Variants in SNRPF observed in about 807,000 individuals in gnomAD.
SNRPF encodes the protein small nuclear ribonucleoprotein polypeptide F.
In SNRPF, 1 loss-of-function variant was observed where a neutral mutation model predicts 13.4. The observed-to-expected ratio is 0.07, with a 90% CI of 0.03 to 0.35. The LOEUF is 0.35. Ranked by LOEUF, SNRPF falls within the 10% of genes least tolerant of loss-of-function variation. The pLI is 0.99. For synonymous variants in SNRPF, 27 were observed against 32.1 expected, an observed-to-expected ratio of 0.84 and a Z score of 0.54; for missense variants, 53 against 101.0, an observed-to-expected ratio of 0.52 and a Z score of 2.04.
intron 2 of SNRPF, among the ~76,000 whole-genome samples, chr12:95,862,276 C>CT (rs1309312024): frequency 6.6e-6 from 1 of 152,154 alleles, no homozygotes; most frequent in Non-Finnish European, 1.5e-5. Flanking sequence ...TTGGTGGACA[C>CT]TGGGTTGCTT....
intron 2 of SNRPF, among the ~76,000 whole-genome samples, chr12:95,862,734 A>G (rs1016391598): frequency 4.6e-5 from 7 of 151,776 alleles, no homozygotes; most frequent in African/African-American, 1.5e-4. Flanking sequence ...CTGTCACACT[A>G]TTTTCCACAG....
At chr12:95,865,638 T>A (rs955760361) in intron 3 of SNRPF, among the ~76,000 whole-genome samples, 2 of 152,206 alleles carry the variant, frequency 1.3e-5, no homozygotes, top group African/African-American at 4.8e-5. Context: ...GCTATAATCT[T>A]TTGCAGTGGC....
intron 1 of SNRPF, 113 bp from the exon 2 acceptor site, chr12:95,861,055 G>A: frequency 6.0e-6 from 5 of 833,798 alleles, no homozygotes; most frequent in Middle Eastern, 4.2e-4. Flanking sequence ...AAAATAATAA[G>A]GAGTCAAAAG....
intron 2 of SNRPF, chr12:95,861,829 A>G (rs530047835): frequency 6.5e-6 from 1 of 153,100 alleles, no homozygotes; most frequent in African/African-American, 2.4e-5. Flanking sequence ...GGTAAAATAT[A>G]CATTACAATT....
Position 95,866,094 on chromosome 12 carries a change from T to TCA in SNRPF, c.*23_*24insCA. 8.4e-7 allele frequency: 1 copy of TCA among 1,186,300 alleles called. No homozygotes were observed. 73.5% of individuals were successfully genotyped at this position (1,186,300 alleles called of 1,614,324 possible). A position where few individuals can be genotyped will look rare whatever the true frequency, so the allele number is the denominator to read the frequency against. The stretch of plus-strand genomic sequence containing the variant: ...TAGCATCTTTTGTGGGGGATTTTTT[T>TCA]TATATATATTTCTAGACAATAAAGA... On this transcript the variant is annotated 3_prime_UTR_variant, in exon 4 of 4. Transcript: ENST00000266735.
At chr12:95,861,053 A>C in intron 1 of SNRPF, 115 bp from the exon 2 acceptor site, 1 of 814,088 alleles carries the variant, frequency 1.2e-6, no homozygotes, top group Non-Finnish European at 1.9e-6. Flanking sequence ...CTAAAATAAT[A>C]AGGAGTCAAA....
intron 3 of SNRPF, 38 bp from the exon 4 acceptor site, chr12:95,865,967 C>A: frequency 1.1e-6 from 1 of 893,142 alleles, no homozygotes; most frequent in Non-Finnish European, 1.8e-6. Context: ...TACATGGTTT[C>A]TGGTTGGAAC....
chr12:95,865,358 T>C lies in SNRPF; in HGVS notation c.164T>C (p.Leu55Ser). The change falls in exon 3 of 4, where the codon TTG (leucine) becomes TCG (serine). Residue 55 changes from leucine (L) to serine (S), a missense_variant. Leu to Ser is a moderately radical substitution (Grantham distance 145, BLOSUM62 -2). Coordinates refer to ENST00000266735, the MANE Select transcript of SNRPF (RefSeq NM_003095.5). ...ANTEEYIDGA[L>S]SGHLGEVLIR... ...ACAGAAGAATACATAGATGGAGCTT[T>C]GTCTGGACATCTGGGTGAAGTTTTA... 1 of 1,570,528 alleles carries C rather than the reference T, an allele frequency of 6.4e-7. No homozygotes were observed. The highest frequency in any genetic ancestry group is 8.8e-7 in the Non-Finnish European group (1 of 1,141,326).
At chr12:95,865,910 A>C in intron 3 of SNRPF, 95 bp from the exon 4 acceptor site, 1 of 512,266 alleles carries the variant, frequency 2.0e-6, no homozygotes, top group Admixed American at 3.7e-5. Flanking sequence ...AATATTATAA[A>C]TATAGTATTC....
chr12:95,864,210 C>T (rs1450206381), intron 2 of SNRPF, among the ~76,000 whole-genome samples: 1 of 152,096 alleles, frequency 6.6e-6, no homozygotes, highest in Non-Finnish European at 1.5e-5. Context: ...GTTTTTCATG[C>T]CTTATGAAAC....
intron 2 of SNRPF, among the ~76,000 whole-genome samples, chr12:95,862,689 G>A (rs1359337525): frequency 6.6e-6 from 1 of 152,140 alleles, no homozygotes; most frequent in Non-Finnish European, 1.5e-5. Context: ...CTCTAGCCTG[G>A]ATGACAGAGA....
chr12:95,860,852 C>CT (rs10689270), intron 1 of SNRPF, among the ~76,000 whole-genome samples: 17,457 of 96,408 alleles, frequency 0.18, 1,934 homozygotes, highest in Non-Finnish European at 0.2. Flanking sequence ...ACCTGGCCCG[C>CT]TTTTTTTTTT....
chr12:95,865,451 A>G (rs994177096), intron 3 of SNRPF, 63 bp downstream of exon 3: 4 of 700,154 alleles, frequency 5.7e-6, no homozygotes, highest in Admixed American at 4.6e-5. Flanking sequence ...CCTGTTCTAA[A>G]TATATTAGTG....
At position 95,858,981 on chromosome 12, in the gene SNRPF, C is replaced by A; in HGVS notation, c.-93C>A. On this transcript the variant is annotated 5_prime_UTR_variant, in exon 1 of 4. Coordinates refer to ENST00000266735, the MANE Select transcript of SNRPF (RefSeq NM_003095.5). ...TTGGCGGCCATTTCTCTTGAAACTG[C>A]GGCTCGGGACCTGCGGTACCTGCTG... 6.3e-7 allele frequency: 1 copy of A among 1,580,214 alleles called. No individual in the cohort carries two copies. The highest frequency in any genetic ancestry group is 8.6e-7 in the Non-Finnish European group (1 of 1,163,416).
chr12:95,860,929 G>C (rs1374660835), intron 1 of SNRPF, among the ~76,000 whole-genome samples: 1 of 148,072 alleles, frequency 6.8e-6, no homozygotes, highest in Non-Finnish European at 1.5e-5. Flanking sequence ...TAGGTAGTCA[G>C]TGTATCTTAA....
At chr12:95,863,335 C>T (rs1428102266) in intron 2 of SNRPF, among the ~76,000 whole-genome samples, 4 of 152,138 alleles carry the variant, frequency 2.6e-5, no homozygotes, top group Non-Finnish European at 5.9e-5. Context: ...TTTGAATATA[C>T]TGAAAACCAC....
At chr12:95,863,745 G>A (rs2079507941) in intron 2 of SNRPF, among the ~76,000 whole-genome samples, 2 of 152,168 alleles carry the variant, frequency 1.3e-5, no homozygotes, top group East Asian at 1.9e-4. Flanking sequence ...CTGAGGAGGC[G>A]AATTCTGGAA....
At chr12:95,865,976 AC>A in intron 3 of SNRPF, 28 bp from the exon 4 acceptor site, 3 of 1,063,808 alleles carry the variant, frequency 2.8e-6, no homozygotes, top group Non-Finnish European at 4.3e-6. Flanking sequence ...TCTGGTTGGA[AC>A]AACAAAATCG....
intron 2 of SNRPF, among the ~76,000 whole-genome samples, chr12:95,864,451 G>C (rs889776044): frequency 6.6e-6 from 1 of 152,080 alleles, no homozygotes; most frequent in Middle Eastern, 3.2e-3. Context: ...AATAACTGTA[G>C]GTAAAGTAAG....
Sources: gnomAD v4.1 joint callset for allele counts (sites outside exome capture counted in the v4.1 genomes callset) on GRCh38, gnomAD v4.1.1 for gene constraint, MANE v1.5 for transcripts, NCBI Gene and HGNC (gene_info 2026-07-23, HGNC 2026-07-21) for gene names.